The following PTPRN2 variants were observed in gnomAD, a reference collection of about 807,000 sequenced individuals.
PTPRN2 encodes protein tyrosine phosphatase receptor type N2, also known as receptor-type tyrosine-protein phosphatase N2.
PTPRN2 carries 74 observed loss-of-function variants against 118.8 expected under a neutral mutation model. The ratio of observed to expected loss-of-function variants is 0.62; its 90% CI spans 0.52 to 0.76. PTPRN2 has a LOEUF of 0.76. PTPRN2 is among the 30% of genes least tolerant of loss of function. The pLI is 0.00. For synonymous variants in PTPRN2, 641 were observed against 608.0 expected, an observed-to-expected ratio of 1.05 and a Z score of -0.80; for missense variants, 1,481 against 1,394.4, an observed-to-expected ratio of 1.06 and a Z score of -0.99.
intron 11 of PTPRN2, among the ~76,000 whole-genome samples, chr7:157,980,261 A>C (rs1585128008): frequency 1.3e-5 from 2 of 152,254 alleles, no homozygotes; most frequent in African/African-American, 2.4e-5. Flanking sequence ...CCAGAGGGTA[A>C]TTCAGTATCT....
At chr7:157,765,210 T>TTCACCCATCCATCCA (rs1468481779) in intron 12 of PTPRN2, among the ~76,000 whole-genome samples, 4 of 148,472 alleles carry the variant, frequency 2.7e-5, no homozygotes, top group Admixed American at 6.7e-5. Flanking sequence ...GCATCCATCC[T>TTCACCCATCCATCCA]TCACCCATCC....
chr7:158,405,702 G>A (rs1397566643), intron 2 of PTPRN2, among the ~76,000 whole-genome samples: 1 of 152,252 alleles, frequency 6.6e-6, no homozygotes, highest in African/African-American at 2.4e-5. Context: ...TTATCTGTGT[G>A]TGGAGCCTGC....
At chr7:157,887,435 CCCCCAGTACCCACTT>C (rs1378366481) in intron 12 of PTPRN2, among the ~76,000 whole-genome samples, 1 of 101,360 alleles carries the variant, frequency 9.9e-6, no homozygotes, top group East Asian at 3.4e-4. Context: ...AGTACCCACT[CCCCCAGTACCCACTT>C]CCTCCAGTAC....
chr7:157,649,245 T>A (rs374556409), intron 14 of PTPRN2, among the ~76,000 whole-genome samples: 15 of 39,328 alleles, frequency 3.8e-4, no homozygotes, highest in South Asian at 2.3e-3. Context: ...CTCGGTGGGT[T>A]GGACCCATTC....
intron 1 of PTPRN2, among the ~76,000 whole-genome samples, chr7:158,521,612 T>TCCACGTCACAATGGTGGACTGTCC (rs1563387419): frequency 8.3e-6 from 1 of 119,804 alleles, no homozygotes; most frequent in Non-Finnish European, 1.8e-5. Context: ...ACTGTCCAGG[T>TCCACGTCACAATGGTGGACTGTCC]AGTGGCTCAG....
Position 157,550,025 on chromosome 7 carries a change from T to G in PTPRN2, c.2903-1006A>C, listed in dbSNP as rs1798515667. On this transcript the variant is annotated intron_variant, in intron 21 of 22. Coordinates refer to ENST00000389418, the MANE Select transcript of PTPRN2 (RefSeq NM_002847.5). This position sits in a 1 kb window ranked among gnomAD's most constrained non-coding sequence, Gnocchi z 5.2. The stretch of plus-strand genomic sequence containing the variant: ...AAGCCGCAGCCATTGGAACCCCAAC[T>G]ACCGTGGGCAGGACAGCGCTGGCCG... 6.6e-6 allele frequency among the ~76,000 whole-genome samples: 1 copy of G among 152,182 alleles called. No individual in the cohort carries two copies.
rs1347817249 is a variant in PTPRN2 at position 158,081,319 on chromosome 7, C to T, written c.1702G>A (p.Glu568Lys). The T allele has an allele frequency of 1.2e-6, 2 of 1,614,160 alleles. No homozygotes were observed. The highest frequency in any genetic ancestry group is 1.6e-4 in the Middle Eastern group (1 of 6,062). The part of the protein sequence containing the change: ...VSANVQNVTT[E>K]DVEKATVDNK... Reference sequence around the variant, plus strand: ...TCACCTGTGGCCTTCTCCACATCCTCAGTGGTCACGTTTTGGACATTGGCG... The same window carrying T: ...TCACCTGTGGCCTTCTCCACATCCTTAGTGGTCACGTTTTGGACATTGGCG... The change falls in exon 11 of 23, where the codon GAG (glutamate) becomes AAG (lysine). Residue 568 changes from glutamate (E) to lysine (K), a missense_variant. By Grantham distance (56) the Glu-to-Lys change is moderately conservative. Transcript: ENST00000389418.
Position 157,674,238 on chromosome 7 carries a change from G to A in PTPRN2, c.2001+8487C>T, listed in dbSNP as rs1481868866. ...AGAGCTCCGGGCCGAAGGGGACTTGGGCCTGGGAGAGAAGAGACAGCCAGG... is the reference window on the plus strand; with the variant it reads ...AGAGCTCCGGGCCGAAGGGGACTTGAGCCTGGGAGAGAAGAGACAGCCAGG... On this transcript the variant is annotated intron_variant, in intron 13 of 22. Coordinates refer to ENST00000389418, the MANE Select transcript of PTPRN2 (RefSeq NM_002847.5). This position sits in a 1 kb window ranked among gnomAD's most constrained non-coding sequence, Gnocchi z 4.5. Among the ~76,000 whole-genome samples, 1 of 152,162 alleles carries A rather than the reference G, an allele frequency of 6.6e-6. No individual in the cohort carries two copies. The highest frequency in any genetic ancestry group is 1.5e-5 in the Non-Finnish European group (1 of 68,034).
At chr7:158,130,387 A>G (rs1188351742) in intron 9 of PTPRN2, among the ~76,000 whole-genome samples, 1 of 152,016 alleles carries the variant, frequency 6.6e-6, no homozygotes, top group African/African-American at 2.4e-5. Context: ...GCACATATGC[A>G]CACACTTCTA....
chr7:158,086,212 C>T (rs1458335270), intron 10 of PTPRN2, among the ~76,000 whole-genome samples: 3 of 152,250 alleles, frequency 2.0e-5, no homozygotes, highest in African/African-American at 7.2e-5. Flanking sequence ...GCTGCAGAAT[C>T]CTCTGCTGAG....
chr7:158,260,080 C>T (rs1044451220), intron 3 of PTPRN2, among the ~76,000 whole-genome samples: 12 of 152,144 alleles, frequency 7.9e-5, no homozygotes, highest in South Asian at 2.1e-4. Flanking sequence ...TGTGTATGTG[C>T]GTGCACGTCT....
intron 3 of PTPRN2, among the ~76,000 whole-genome samples, chr7:158,232,239 CAAAT>C (rs757294630): frequency 2.8e-4 from 43 of 151,648 alleles, no homozygotes; most frequent in Non-Finnish European, 4.9e-4. Context: ...AAAGAAGATC[CAAAT>C]AAATAAAGTC....
rs552653243 is a variant in PTPRN2 at position 158,329,323 on chromosome 7, C to A, written c.164-12391G>T. ...CTCCCTCACGGAGCACCAGCGCGCC[C>A]AGCACTTCCCAGCCTTTTACCTTTA... is the stretch of plus-strand genomic sequence containing the variant. On this transcript the variant is annotated intron_variant, in intron 2 of 22. Coordinates refer to ENST00000389418, the MANE Select transcript of PTPRN2 (RefSeq NM_002847.5). 4.6e-5 allele frequency among the ~76,000 whole-genome samples: 7 copies of A among 152,310 alleles called. No homozygotes were observed. The South Asian group carries it at 1.2e-3, about 27-fold the overall frequency.
chr7:158,156,788 G>A (rs550590070), intron 6 of PTPRN2, among the ~76,000 whole-genome samples: 15 of 152,350 alleles, frequency 9.8e-5, no homozygotes, highest in South Asian at 8.3e-4. Context: ...TGTAATCAGC[G>A]GTCTCCATTA....
intron 10 of PTPRN2, among the ~76,000 whole-genome samples, chr7:158,085,292 AC>A: frequency 9.1e-6 from 1 of 109,664 alleles, no homozygotes; most frequent in African/African-American, 3.7e-5. Context: ...ATCCACACCC[AC>A]GACGCCCATC....
chr7:158,345,418 C>T (rs1383703043), intron 2 of PTPRN2, among the ~76,000 whole-genome samples: 2 of 152,162 alleles, frequency 1.3e-5, no homozygotes, highest in Non-Finnish European at 2.9e-5. Context: ...GAAGAGTAAG[C>T]TTCGGAGGCT....
intron 3 of PTPRN2, among the ~76,000 whole-genome samples, chr7:158,227,757 T>A (rs1197610463): frequency 6.6e-6 from 1 of 152,216 alleles, no homozygotes; most frequent in African/African-American, 2.4e-5. Flanking sequence ...GTAGGCTTTG[T>A]GAACTGAGAG....
chr7:158,378,630 T>C (rs537248591), intron 2 of PTPRN2, among the ~76,000 whole-genome samples: 2 of 152,200 alleles, frequency 1.3e-5, no homozygotes, highest in South Asian at 4.2e-4. Context: ...TCACCACGTT[T>C]CCAAAGAAAG....
chr7:157,601,448 G>GAAAA (rs5888722), intron 16 of PTPRN2, among the ~76,000 whole-genome samples: 16 of 148,576 alleles, frequency 1.1e-4, no homozygotes, highest in Admixed American at 2.0e-4. Context: ...CCCAAATTTG[G>GAAAA]AAAAAAAAAA....
Sources: gnomAD v4.1 joint callset for allele counts (sites outside exome capture counted in the v4.1 genomes callset) on GRCh38, gnomAD v4.1.1 for gene constraint, Gnocchi (gnomAD v3.1) non-coding constraint, MANE v1.5 for transcripts, NCBI Gene and HGNC (gene_info 2026-07-23, HGNC 2026-07-21) for gene names.